Variants in STKLD1 observed in about 807,000 individuals in gnomAD.
The protein encoded by STKLD1 is serine/threonine kinase-like domain-containing protein STKLD1.
In STKLD1, 79 loss-of-function variants were observed where a neutral mutation model predicts 80.4. The observed-to-expected ratio is 0.98, with a 90% CI of 0.82 to 1.19. The LOEUF is 1.19. Ranked by LOEUF, STKLD1 falls within the 50% of genes most tolerant of loss-of-function variation. The pLI, the probability that STKLD1 is intolerant of heterozygous loss-of-function variation, is 0.00. For synonymous variants in STKLD1, 393 were observed against 357.6 expected, an observed-to-expected ratio of 1.10 and a Z score of -1.12; for missense variants, 841 against 856.0, an observed-to-expected ratio of 0.98 and a Z score of 0.22.
chr9:133,405,500 C>T lies in STKLD1; in HGVS notation c.*79C>T. 7.0e-7 allele frequency: 1 copy of T among 1,425,366 alleles called. No homozygotes were observed. The highest frequency in any genetic ancestry group is 9.4e-7 in the Non-Finnish European group (1 of 1,069,342). 88.3% of individuals were successfully genotyped at this position (1,425,366 alleles called of 1,614,324 possible). On this transcript the variant is annotated 3_prime_UTR_variant, in exon 18 of 18. Transcript: ENST00000371957. ...CTCCTGCCTGCCTATTATCCCATCT[C>T]TATGACTGGGCCAAAATCAATCTTA...
chr9:133,393,958 C>T (rs1838490925), intron 7 of STKLD1: 1 of 276,390 alleles, frequency 3.6e-6, no homozygotes, highest in Non-Finnish European at 6.8e-6. Context: ...TAGAGGGGTG[C>T]ACAGTTTCTT....
chr9:133,385,484 CCT>C lies in STKLD1; in HGVS notation c.220-132_220-131del. On this transcript the variant is annotated intron_variant, in intron 3 of 17. Transcript: ENST00000371957. The surrounding 1 kb of genome is among the most constrained non-coding windows in gnomAD (Gnocchi z 4.9). ...TGGCTCCCAACCACCGTGCAGCTTC[CCT>C]GAGCCCACTCCCTGGCCCAGCTCAG... 1.2e-6 allele frequency: 1 copy of C among 842,682 alleles called. No individual in the cohort carries two copies. The highest frequency in any genetic ancestry group is 1.9e-6 in the Non-Finnish European group (1 of 526,040). The allele number at this position is 842,682 out of a possible 1,614,324, so 52.2% of individuals were successfully genotyped here.
intron 7 of STKLD1, among the ~76,000 whole-genome samples, chr9:133,392,140 A>G (rs996058467): frequency 6.7e-6 from 1 of 148,902 alleles, no homozygotes; most frequent in African/African-American, 2.5e-5. Flanking sequence ...GCAGTAGCGC[A>G]ATCTCGGCTC....
intron 7 of STKLD1, among the ~76,000 whole-genome samples, chr9:133,392,583 GTGGATGGATGGATGGATGGGTGGA>G (rs1316657564): frequency 2.3e-4 from 21 of 89,506 alleles, no homozygotes; most frequent in African/African-American, 5.1e-4. Flanking sequence ...GGATGGATGA[GTGGATGGATGGATGGATGGGTGGA>G]TGGATGGATG....
rs2130279722 is a variant in STKLD1, at chr9:133,387,506, C to T, written c.354C>T (p.Val118=). 2.2e-5 allele frequency: 35 copies of T among 1,613,906 alleles called. No homozygotes were observed. Among genetic ancestry groups the T allele is most frequent in the Non-Finnish European group, 2.8e-5 (33 of 1,180,014 alleles). Residue 118 remains valine, a synonymous_variant, in exon 5 of 18, where the codon GTC becomes GTT. Coordinates refer to ENST00000371957, the MANE Select transcript of STKLD1 (RefSeq NM_153710.5). ...MEFNELSFQE[V]IEDKRKAKKI... is the part of the protein sequence containing the mutation. The stretch of plus-strand genomic sequence containing the variant: ...TCAATGAGCTCAGCTTCCAGGAGGT[C>T]ATTGAGGATAAGAGGAAGGCAAAGA...
chr9:133,391,892 C>T (rs2130290466), intron 7 of STKLD1, among the ~76,000 whole-genome samples: 7,146 of 151,232 alleles, frequency 0.047, 568 homozygotes, highest in African/African-American at 0.16. Flanking sequence ...CTGTGGGTGC[C>T]AGGCACTGGC....
rs587760943 is a variant in STKLD1 at position 133,402,741 on chromosome 9, T to C, written c.1340-137T>C. On this transcript the variant is annotated intron_variant, in intron 13 of 17. Transcript: ENST00000371957. ...CCACATCCTCCTGTTCAGGGCTCCA[T>C]TGAGTGCACACGACTTGGCCCAGAG... The C allele has an allele frequency of 2.2e-5, 20 of 913,134 alleles. No individual in the cohort carries two copies. The African/African-American group carries it at 3.0e-4, about 14-fold the overall frequency. 56.6% of individuals were successfully genotyped at this position (913,134 alleles called of 1,614,324 possible).
intron 1 of STKLD1, 77 bp downstream of exon 1, chr9:133,376,637 C>T (rs1588730280): frequency 2.2e-6 from 3 of 1,349,228 alleles, no homozygotes; most frequent in Non-Finnish European, 2.0e-6. Context: ...GCCGGCGGTT[C>T]CGACCGAGGG....
intron 2 of STKLD1, among the ~76,000 whole-genome samples, chr9:133,380,279 A>G (rs1838100352): frequency 6.6e-6 from 1 of 151,906 alleles, no homozygotes; most frequent in Non-Finnish European, 1.5e-5. Context: ...TCCTGAGCTC[A>G]GGCAGTCCGC....
In STKLD1 at chr9:133,392,599, ATGGG is replaced by A. The variant is rs1374605775; in HGVS notation, c.584-1688_584-1685del. ...GATGGATGAGTGGATGGATGGATGG[ATGGG>A]TGGATGGATGGATGGATGGATGGAT... is the stretch of plus-strand genomic sequence containing the variant. On this transcript the variant is annotated intron_variant, in intron 7 of 17. Transcript: ENST00000371957. Among the ~76,000 whole-genome samples the A allele has an allele frequency of 6.9e-4, 29 of 41,744 alleles. 2 individuals are homozygous for A. The highest frequency in any genetic ancestry group is 0.024 in the Middle Eastern group (1 of 42). The allele number at this position is 41,744 out of a possible 152,430, so 27.4% of individuals were successfully genotyped here.
chr9:133,391,303 G>A lies in STKLD1; in HGVS notation c.583+507G>A, dbSNP rs2130289267. On this transcript the variant is annotated intron_variant, in intron 7 of 17. Coordinates refer to ENST00000371957, the MANE Select transcript of STKLD1 (RefSeq NM_153710.5). ...AGGGAGGTGAGGGGCGCCTCTGCCC[G>A]GCCGCCCCTACTGGGAAGTGAGGAG... Among the ~76,000 whole-genome samples the A allele has an allele frequency of 7.7e-4, 116 of 149,770 alleles. 2 individuals are homozygous for A. The highest frequency in any genetic ancestry group is 2.8e-3 in the African/African-American group (112 of 40,342).
Position 133,401,974 on chromosome 9 carries a change from C to T in STKLD1, c.1339+96C>T, listed in dbSNP as rs939754498. The T allele has an allele frequency of 2.7e-6, 4 of 1,477,690 alleles. No homozygotes were observed. In the African/African-American group the frequency reaches 4.2e-5, roughly 15 times the overall value. 91.5% of individuals were successfully genotyped at this position (1,477,690 alleles called of 1,614,324 possible). ...TGGTTTGGGGTATAGGTGGGTTGGA[C>T]AGGACAGTGCTGGGCCTCCTCCTGA... On this transcript the variant is annotated intron_variant, in intron 13 of 17. Coordinates refer to ENST00000371957, the MANE Select transcript of STKLD1 (RefSeq NM_153710.5).
At chr9:133,383,102 G>T (rs1335583297) in intron 2 of STKLD1, among the ~76,000 whole-genome samples, 1 of 147,172 alleles carries the variant, frequency 6.8e-6, no homozygotes, top group Non-Finnish European at 1.5e-5. Context: ...AATGATAGTG[G>T]TGGTGGTGGT....
rs1838521335 is a variant in STKLD1 at position 133,394,981 on chromosome 9, G to A, written c.702+572G>A. Among the ~76,000 whole-genome samples, 1 of 152,230 alleles carries A rather than the reference G, an allele frequency of 6.6e-6. No individual in the cohort carries two copies. On this transcript the variant is annotated intron_variant, in intron 8 of 17. Transcript: ENST00000371957. The surrounding 1 kb of genome is among the most constrained non-coding windows in gnomAD (Gnocchi z 4.9). ...AGGTCACTCTGGCTGCAGGGAGGCA[G>A]GGAAGTCCAGCCTGTCGCTTCCTAT...
Position 133,395,661 on chromosome 9 carries a change from T to C in STKLD1, c.764T>C (p.Val255Ala), listed in dbSNP as rs782460108. The C allele has an allele frequency of 7.4e-6, 12 of 1,613,286 alleles. No individual in the cohort carries two copies. Among genetic ancestry groups the C allele is most frequent in the Admixed American group, 3.3e-5 (2 of 59,992 alleles). The part of the protein sequence containing the change: ...LRQSPGSLKA[V>A]LKTMEEKQIP... ...CAGAGCCCAGGCAGCCTGAAGGCCG[T>C]CCTGAAGACAATGGAGGAGAAGCAG... Residue 255 changes from valine to alanine, a missense_variant, in exon 9 of 18, where the codon GTC (valine) becomes GCC (alanine). Transcript: ENST00000371957.
In STKLD1 at chr9:133,400,612, C is replaced by T. The variant is rs888300603; in HGVS notation, c.1198+83C>T. 2.5e-5 allele frequency: 30 copies of T among 1,179,416 alleles called. No individual in the cohort carries two copies. The Admixed American group carries it at 4.6e-4, about 18-fold the overall frequency. The allele number at this position is 1,179,416 out of a possible 1,614,324, so 73.1% of individuals were successfully genotyped here. A position where few individuals can be genotyped will look rare whatever the true frequency, so the allele number is the denominator to read the frequency against. ...TGTGCCTCCTGGGCCAAGGTGGGCA[C>T]CGGGCCGGGTGGGTTAGGGGAAGCC... On this transcript the variant is annotated intron_variant, in intron 12 of 17. Transcript: ENST00000371957.
chr9:133,395,780 G>A lies in STKLD1; in HGVS notation c.866+17G>A, dbSNP rs782247398. 6.2e-6 allele frequency: 10 copies of A among 1,611,588 alleles called. No individual in the cohort carries two copies. Among genetic ancestry groups the A allele is most frequent in the Non-Finnish European group, 8.5e-6 (10 of 1,178,998 alleles). On this transcript the variant is annotated intron_variant, in intron 9 of 17. Transcript: ENST00000371957. ...AACGATAAAGTGAGCTCAGGGTCGG[G>A]GTTTATTTTAACCTGTGGATTTATC...
rs1487612344 is a variant in STKLD1 at position 133,405,432 on chromosome 9, G to A, written c.*11G>A. 6.3e-7 allele frequency: 1 copy of A among 1,593,970 alleles called. No homozygotes were observed. The highest frequency in any genetic ancestry group is 8.5e-7 in the Non-Finnish European group (1 of 1,173,936). On this transcript the variant is annotated 3_prime_UTR_variant, in exon 18 of 18. Transcript: ENST00000371957. ...GGGGGACTGGAATAGATGTTTGTAT[G>A]GAACTGACCTTGATCTCCACGTGTA...
At chr9:133,391,625 C>T (rs1384735340) in intron 7 of STKLD1, among the ~76,000 whole-genome samples, 1 of 152,076 alleles carries the variant, frequency 6.6e-6, no homozygotes, top group Admixed American at 6.6e-5. Context: ...TGGATTAGGG[C>T]GGTGCAAGAT....
Sources: allele counts gnomAD v4.1 joint callset (sites outside exome capture counted in the v4.1 genomes callset), GRCh38; gene constraint gnomAD v4.1.1; non-coding constraint Gnocchi (gnomAD v3.1); transcripts MANE v1.5; gene names NCBI Gene and HGNC (gene_info 2026-07-23, HGNC 2026-07-21).